KCNIP1: variants seen among roughly 807,000 people sequenced by gnomAD.
KCNIP1 encodes the protein potassium voltage-gated channel interacting protein 1, also known as A-type potassium channel modulatory protein KCNIP1.
KCNIP1 carries 18 observed loss-of-function variants against 33.0 expected under a neutral mutation model. That is an observed-to-expected ratio of 0.55 (90% confidence interval 0.38 to 0.81). KCNIP1 has a LOEUF of 0.81. Ranked by LOEUF, KCNIP1 falls within the 30% of genes least tolerant of loss-of-function variation. The probability of loss-of-function intolerance (pLI) is 0.00; values close to 1 mark genes in which losing one functional copy is unlikely to be tolerated. For synonymous variants in KCNIP1, 93 were observed against 98.3 expected (o/e 0.95, Z 0.32); for missense variants, 238 against 271.6 (o/e 0.88, Z 0.87).
chr5:170,410,576 G>A (rs1755160429), intron 1 of KCNIP1, among the ~76,000 whole-genome samples: 1 of 151,872 alleles, frequency 6.6e-6, no homozygotes, highest in Admixed American at 6.6e-5. Flanking sequence ...AATAGGCCCT[G>A]TGGAAAGGGA....
At chr5:170,463,126 A>G (rs1358060134) in intron 1 of KCNIP1, among the ~76,000 whole-genome samples, 1 of 152,214 alleles carries the variant, frequency 6.6e-6, no homozygotes, top group Non-Finnish European at 1.5e-5. Context: ...TGAAAATAAA[A>G]AAAATAAAAA....
At chr5:170,699,402 T>G (rs1763012193) in intron 1 of KCNIP1, among the ~76,000 whole-genome samples, 1 of 152,138 alleles carries the variant, frequency 6.6e-6, no homozygotes, top group South Asian at 2.1e-4. Flanking sequence ...TCTCGGATCC[T>G]CATCCCATTG....
chr5:170,683,319 T>A (rs376653531), intron 1 of KCNIP1, among the ~76,000 whole-genome samples: 1 of 152,336 alleles, frequency 6.6e-6, no homozygotes, highest in African/African-American at 2.4e-5. Context: ...TCCTTTTATA[T>A]AAGGAAGAAG....
At chr5:170,379,909 G>A (rs1031531012) in intron 1 of KCNIP1, among the ~76,000 whole-genome samples, 7 of 149,560 alleles carry the variant, frequency 4.7e-5, no homozygotes, top group East Asian at 2.0e-4. Flanking sequence ...CTATGATCTC[G>A]CAACTACACT....
chr5:170,632,063 G>A (rs1309823029), intron 1 of KCNIP1, among the ~76,000 whole-genome samples: 3 of 152,146 alleles, frequency 2.0e-5, no homozygotes, highest in Non-Finnish European at 4.4e-5. Flanking sequence ...CTGAGTCCTC[G>A]CCGGCCACAG....
intron 1 of KCNIP1, among the ~76,000 whole-genome samples, chr5:170,446,908 A>C (rs1756129967): frequency 1.3e-5 from 2 of 152,206 alleles, no homozygotes; most frequent in Non-Finnish European, 2.9e-5. Context: ...CCAGGTCCTG[A>C]CTGAACCAAA....
chr5:170,603,746 TG>T, intron 1 of KCNIP1, among the ~76,000 whole-genome samples: 1 of 152,242 alleles, frequency 6.6e-6, no homozygotes, highest in African/African-American at 2.4e-5. Flanking sequence ...GATCACCATG[TG>T]GTTGGGCCAG....
At chr5:170,619,393 C>T (rs1759518131) in intron 1 of KCNIP1, among the ~76,000 whole-genome samples, 1 of 152,140 alleles carries the variant, frequency 6.6e-6, no homozygotes, top group South Asian at 2.1e-4. Flanking sequence ...AGTCCTGCCC[C>T]TCCTAAGGGA....
intron 1 of KCNIP1, chr5:170,485,970 C>A (rs1226896365): frequency 6.6e-6 from 1 of 152,232 alleles, no homozygotes; most frequent in Admixed American, 6.5e-5. Context: ...CCTAAGAAGC[C>A]CAGAAGGTGC....
intron 1 of KCNIP1, among the ~76,000 whole-genome samples, chr5:170,567,611 T>C (rs1757248694): frequency 6.6e-6 from 1 of 152,096 alleles, no homozygotes; most frequent in Admixed American, 6.6e-5. Context: ...GGAAGGACAG[T>C]TGAGGCTAGC....
At chr5:170,521,094 T>A (rs1457680877) in intron 1 of KCNIP1, among the ~76,000 whole-genome samples, 1 of 152,158 alleles carries the variant, frequency 6.6e-6, no homozygotes, top group Non-Finnish European at 1.5e-5. Flanking sequence ...GCAACAGACT[T>A]GATAAATACA....
In KCNIP1 at chr5:170,504,460, G is replaced by C. The variant is rs1754624592; in HGVS notation, c.-113G>C. The C allele has an allele frequency of 6.4e-7, 1 of 1,558,306 alleles. No individual in the cohort carries two copies. Among genetic ancestry groups the C allele is most frequent in the South Asian group, 1.2e-5 (1 of 84,944 alleles). On this transcript the variant is annotated 5_prime_UTR_variant, in exon 1 of 8. Transcript: ENST00000328939. The surrounding 1 kb of genome is among the most constrained non-coding windows in gnomAD (Gnocchi z 6.0). ...CTGAATACCAAGCTGCAGGCGAGCTGCCGGGCGCTTTTCTCTCCTCCAATT... is the reference window on the plus strand; with the variant it reads ...CTGAATACCAAGCTGCAGGCGAGCTCCCGGGCGCTTTTCTCTCCTCCAATT...
intron 1 of KCNIP1, among the ~76,000 whole-genome samples, chr5:170,372,566 A>G (rs1302360578): frequency 2.0e-5 from 3 of 152,294 alleles, no homozygotes; most frequent in Admixed American, 2.0e-4. Flanking sequence ...AGGCCCACCA[A>G]GAGTTATCTC....
At chr5:170,389,906 T>C (rs2113358709) in intron 1 of KCNIP1, among the ~76,000 whole-genome samples, 1 of 152,356 alleles carries the variant, frequency 6.6e-6, no homozygotes, top group East Asian at 1.9e-4. Context: ...CTTGTGTTAC[T>C]GGCATTTTTA....
intron 1 of KCNIP1, chr5:170,383,388 T>C (rs1764331084): frequency 1.7e-6 from 1 of 598,806 alleles, no homozygotes; most frequent in East Asian, 2.8e-5. Context: ...TCTGACTTGA[T>C]AACAGCTCTT....
chr5:170,484,935 C>G (rs530809271), intron 1 of KCNIP1, among the ~76,000 whole-genome samples: 126 of 89,614 alleles, frequency 1.4e-3, no homozygotes, highest in Non-Finnish European at 2.0e-3. Flanking sequence ...TTTGTTTTTT[C>G]TTTTTTCTTT....
At chr5:170,521,882 C>G (rs551344982) in intron 1 of KCNIP1, among the ~76,000 whole-genome samples, 1 of 152,308 alleles carries the variant, frequency 6.6e-6, no homozygotes, top group South Asian at 2.1e-4. Flanking sequence ...GGGCCAGTAG[C>G]CTTCTTCCAT....
intron 1 of KCNIP1, among the ~76,000 whole-genome samples, chr5:170,684,582 C>G (rs112593548): frequency 0.03 from 4,624 of 152,296 alleles, 83 homozygotes; most frequent in African/African-American, 0.038. Flanking sequence ...GGTATGGATA[C>G]ACCCATTGAT....
chr5:170,431,605 G>A (rs1229855180), intron 1 of KCNIP1, among the ~76,000 whole-genome samples: 1 of 152,222 alleles, frequency 6.6e-6, no homozygotes, highest in African/African-American at 2.4e-5. Context: ...GTGGCAAGAA[G>A]TAACAAGATC....
Sources: gnomAD v4.1 joint callset for allele counts (sites outside exome capture counted in the v4.1 genomes callset) on GRCh38, gnomAD v4.1.1 for gene constraint, Gnocchi (gnomAD v3.1) non-coding constraint, MANE v1.5 for transcripts, NCBI Gene and HGNC (gene_info 2026-07-23, HGNC 2026-07-21) for gene names.